CSTF3: variants seen among roughly 807,000 people sequenced by gnomAD.
CSTF3 encodes the protein CF-1 77 kDa subunit.
In CSTF3, 29 loss-of-function variants were observed where a neutral mutation model predicts 105.8. That is an observed-to-expected ratio of 0.27 (90% CI 0.20 to 0.37). The LOEUF (loss-of-function observed/expected upper bound fraction) is 0.37, where lower values mean the gene tolerates loss of function less well. Ranked by LOEUF, CSTF3 falls within the 10% of genes least tolerant of loss-of-function variation. The pLI is 1.00. For missense variants in CSTF3, 357 were observed against 879.3 expected, an observed-to-expected ratio of 0.41 and a Z score of 7.51; for synonymous variants, 252 against 281.9, an observed-to-expected ratio of 0.89 and a Z score of 1.06.
rs181998616 is a variant in CSTF3, at chr11:33,153,557, G to A, written c.27+7742C>T. The stretch of plus-strand genomic sequence containing the variant: ...GGAGGCTGAGGTGGGAGGAGTCCTT[G>A]AGGCCAGGACGTTGAGGCTGTGGTG... On this transcript the variant is annotated intron_variant, in intron 1 of 20. Transcript: ENST00000323959. 3.4e-4 allele frequency among the ~76,000 whole-genome samples: 52 copies of A among 152,114 alleles called. No individual in the cohort carries two copies. In the East Asian group the frequency reaches 7.7e-3, roughly 23 times the overall value.
intron 1 of CSTF3, among the ~76,000 whole-genome samples, chr11:33,153,986 A>C (rs1333464081): frequency 6.6e-6 from 1 of 152,164 alleles, no homozygotes; most frequent in African/African-American, 2.4e-5. Context: ...ATAACTAAAT[A>C]TATGGGGGTG....
At chr11:33,137,933 T>C (rs1195906439) in intron 3 of CSTF3, among the ~76,000 whole-genome samples, 3 of 151,730 alleles carry the variant, frequency 2.0e-5, no homozygotes, top group Non-Finnish European at 4.4e-5. Flanking sequence ...GTATCAACAG[T>C]GGAAAAGTTT....
Position 33,099,773 on chromosome 11 carries a change from C to A in CSTF3, c.827-56G>T. On this transcript the variant is annotated intron_variant, in intron 10 of 20. Transcript: ENST00000323959. This position sits in a 1 kb window ranked among gnomAD's most constrained non-coding sequence, Gnocchi z 4.1. ...ATTAAAATAATTATTATTTGTAAAACTATCAATGTAAATATCATAACCAAA... is the reference window on the plus strand; with the variant it reads ...ATTAAAATAATTATTATTTGTAAAAATATCAATGTAAATATCATAACCAAA... 4.4e-6 allele frequency: 5 copies of A among 1,139,054 alleles called. No individual in the cohort carries two copies. The highest frequency in any genetic ancestry group is 6.2e-6 in the Non-Finnish European group (5 of 806,414). 70.6% of individuals were successfully genotyped at this position (1,139,054 alleles called of 1,614,324 possible).
At chr11:33,142,339 ATGAGT>A (rs1035657013) in intron 1 of CSTF3, among the ~76,000 whole-genome samples, 12 of 35,354 alleles carry the variant, frequency 3.4e-4, no homozygotes, top group African/African-American at 4.9e-4. Flanking sequence ...TAATCTAGAT[ATGAGT>A]TAAGTATTTG....
chr11:33,130,951 C>T lies in CSTF3; in HGVS notation c.225+10716G>A, dbSNP rs745998279. Among the ~76,000 whole-genome samples the T allele has an allele frequency of 8.1e-4, 123 of 152,100 alleles. 1 individual carries two copies. The highest frequency in any genetic ancestry group is 1.5e-3 in the Non-Finnish European group (99 of 68,010). On this transcript the variant is annotated intron_variant, in intron 3 of 20. Coordinates refer to ENST00000323959, the MANE Select transcript of CSTF3 (RefSeq NM_001326.3). ...GGCTGAGGTGGGAGGATCACCTGAG[C>T]CTGTGCAGGTCAAGGCTGCAGTAGG... is the stretch of plus-strand genomic sequence containing the variant.
intron 3 of CSTF3, among the ~76,000 whole-genome samples, chr11:33,117,750 G>C (rs898588767): frequency 6.6e-6 from 1 of 151,872 alleles, no homozygotes; most frequent in Non-Finnish European, 1.5e-5. Context: ...ATTAAACTGT[G>C]CTTTGTCTAA....
At chr11:33,105,758 C>T in intron 7 of CSTF3, 65 bp from the exon 8 acceptor site, 1 of 1,560,306 alleles carries the variant, frequency 6.4e-7, no homozygotes, top group Admixed American at 1.7e-5. Flanking sequence ...CCAGCAATCT[C>T]ACTACTGGAT....
chr11:33,132,631 G>A (rs1299999626), intron 3 of CSTF3, among the ~76,000 whole-genome samples: 2 of 152,074 alleles, frequency 1.3e-5, no homozygotes, highest in Non-Finnish European at 2.9e-5. Flanking sequence ...ATTTAAAAAG[G>A]AACCTTTTTG....
intron 13 of CSTF3, 32 bp downstream of exon 13, chr11:33,098,658 A>C (rs773045787): frequency 6.8e-6 from 9 of 1,332,438 alleles, no homozygotes; most frequent in Non-Finnish European, 2.1e-6. Context: ...AAGACTGTAA[A>C]GGTGGAAAAA....
chr11:33,118,334 C>T (rs1243129309), intron 3 of CSTF3, among the ~76,000 whole-genome samples: 1 of 151,774 alleles, frequency 6.6e-6, no homozygotes, highest in African/African-American at 2.4e-5. Context: ...TTGATTTTGT[C>T]CCAATATATA....
intron 1 of CSTF3, among the ~76,000 whole-genome samples, chr11:33,151,004 T>C (rs1026462404): frequency 2.0e-5 from 3 of 152,178 alleles, no homozygotes; most frequent in African/African-American, 7.2e-5. Context: ...TATTTATGAA[T>C]ATATTCAAGT....
chr11:33,119,187 A>G (rs1276813217), intron 3 of CSTF3, among the ~76,000 whole-genome samples: 1 of 151,760 alleles, frequency 6.6e-6, no homozygotes, highest in East Asian at 1.9e-4. Flanking sequence ...AATATTAGCA[A>G]TTGTATTATC....
chr11:33,142,097 A>C, intron 1 of CSTF3, 111 bp from the exon 2 acceptor site: 2 of 1,506,342 alleles, frequency 1.3e-6, no homozygotes, highest in East Asian at 2.4e-5. Context: ...ACAAAGCATA[A>C]AAATATCCTC....
chr11:33,131,597 C>T (rs563408746), intron 3 of CSTF3, among the ~76,000 whole-genome samples: 12 of 152,014 alleles, frequency 7.9e-5, no homozygotes, highest in African/African-American at 2.4e-4. Context: ...CTGTAATCCC[C>T]GCACTTTGGG....
intron 3 of CSTF3, among the ~76,000 whole-genome samples, chr11:33,112,690 G>T (rs965166370): frequency 3.9e-5 from 6 of 152,032 alleles, no homozygotes; most frequent in African/African-American, 1.2e-4. Context: ...TTCTTTAAAA[G>T]ATTATTATCC....
intron 4 of CSTF3, 41 bp downstream of exon 4, chr11:33,108,345 G>A (rs1344393625): frequency 1.4e-6 from 2 of 1,419,066 alleles, no homozygotes; most frequent in Non-Finnish European, 9.4e-7. Context: ...TAGGTTTTAA[G>A]TTAAACTTCA....
chr11:33,134,558 T>C (rs1389724544), intron 3 of CSTF3: 3 of 152,198 alleles, frequency 2.0e-5, no homozygotes, highest in African/African-American at 4.8e-5. Flanking sequence ...TACTTAGTAG[T>C]GTTGTCATTT....
chr11:33,154,515 G>C (rs1358513941), intron 1 of CSTF3, among the ~76,000 whole-genome samples: 1 of 51,292 alleles, frequency 1.9e-5, no homozygotes, highest in Non-Finnish European at 3.6e-5. Flanking sequence ...TTTTTTTTTT[G>C]AGATGAAGTC....
chr11:33,136,843 T>C (rs897669213), intron 3 of CSTF3, among the ~76,000 whole-genome samples: 3 of 151,918 alleles, frequency 2.0e-5, no homozygotes, highest in African/African-American at 4.8e-5. Flanking sequence ...ATGATCCTAA[T>C]GACTATAATA....
Sources: gnomAD v4.1 joint callset for allele counts (sites outside exome capture counted in the v4.1 genomes callset) on GRCh38, gnomAD v4.1.1 for gene constraint, Gnocchi (gnomAD v3.1) non-coding constraint, MANE v1.5 for transcripts, NCBI Gene and HGNC (gene_info 2026-07-23, HGNC 2026-07-21) for gene names.